Variants in PPP2R1A observed in about 807,000 individuals in gnomAD.
PPP2R1A encodes the protein serine/threonine-protein phosphatase 2A 65 kDa regulatory subunit A alpha isoform.
Under a neutral mutation model 67.1 loss-of-function variants are expected in PPP2R1A, and 15 were observed. That is an observed-to-expected ratio of 0.22 (90% CI 0.15 to 0.34). The LOEUF (loss-of-function observed/expected upper bound fraction) is 0.34, where lower values mean the gene tolerates loss of function less well. PPP2R1A is among the 10% of genes least tolerant of loss of function. PPP2R1A has a pLI of 1.00. For missense variants in PPP2R1A, 369 were observed against 775.0 expected, an observed-to-expected ratio of 0.48 and a Z score of 6.22; for synonymous variants, 337 against 325.0, an observed-to-expected ratio of 1.04 and a Z score of -0.40.
At chr19:52,220,152 G>A (rs1978829405) in intron 10 of PPP2R1A, 37 bp from the exon 11 acceptor site, 1 of 1,603,992 alleles carries the variant, frequency 6.2e-7, no homozygotes. Flanking sequence ...TTGCTCTCCT[G>A]GAACGCTTAC....
At chr19:52,217,817 G>A (rs1008724761) in intron 9 of PPP2R1A, among the ~76,000 whole-genome samples, 1 of 152,074 alleles carries the variant, frequency 6.6e-6, no homozygotes, top group Non-Finnish European at 1.5e-5. Flanking sequence ...GATGAGAGGC[G>A]GTGCTGGGTG....
intron 2 of PPP2R1A, among the ~76,000 whole-genome samples, chr19:52,204,383 C>G (rs2089581595): frequency 6.6e-6 from 1 of 152,094 alleles, no homozygotes; most frequent in Non-Finnish European, 1.5e-5. Flanking sequence ...AAGGTGGAAG[C>G]AGGAAAACCA....
chr19:52,195,330 A>G (rs1478209884), intron 1 of PPP2R1A, among the ~76,000 whole-genome samples: 1 of 152,144 alleles, frequency 6.6e-6, no homozygotes, highest in Non-Finnish European at 1.5e-5. Context: ...GAAAATCCCA[A>G]TTCCTATTCT....
intron 11 of PPP2R1A, 110 bp from the exon 12 acceptor site, chr19:52,220,869 C>A: frequency 7.6e-7 from 1 of 1,313,270 alleles, no homozygotes; most frequent in Non-Finnish European, 1.1e-6. Context: ...TCACATGCAG[C>A]CTGGCACCTA....
intron 1 of PPP2R1A, chr19:52,201,631 G>C: frequency 2.8e-6 from 1 of 362,514 alleles, no homozygotes; most frequent in East Asian, 5.6e-5. Flanking sequence ...AGGAGAAAGT[G>C]ATGAAGAGAG....
At chr19:52,196,684 TCTGA>T (rs1304317457) in intron 1 of PPP2R1A, among the ~76,000 whole-genome samples, 1 of 152,320 alleles carries the variant, frequency 6.6e-6, no homozygotes, top group East Asian at 1.9e-4. Flanking sequence ...GAAGTTTCTA[TCTGA>T]CTGATGACCA....
At position 52,216,188 on chromosome 19, in the gene PPP2R1A, A is replaced by T. The variant is rs1978562200; in HGVS notation, c.993+114A>T. The T allele has an allele frequency of 2.5e-6, 3 of 1,191,668 alleles. No homozygotes were observed. The highest frequency in any genetic ancestry group is 3.6e-6 in the Non-Finnish European group (3 of 829,614). 73.8% of individuals were successfully genotyped at this position (1,191,668 alleles called of 1,614,324 possible). A position where few individuals can be genotyped will look rare whatever the true frequency, so the allele number is the denominator to read the frequency against. On this transcript the variant is annotated intron_variant, in intron 8 of 14. Coordinates refer to ENST00000322088, the MANE Select transcript of PPP2R1A (RefSeq NM_014225.6). The surrounding 1 kb of genome is among the most constrained non-coding windows in gnomAD (Gnocchi z 4.3). Reference sequence around the variant, plus strand: ...CAAACTAGGTTCCCAGCCCTCTGGGACCAGGCAGCTCTTGGGTTTCAAGCA... The same window carrying T: ...CAAACTAGGTTCCCAGCCCTCTGGGTCCAGGCAGCTCTTGGGTTTCAAGCA...
At chr19:52,209,113 A>G (rs1215244161) in intron 3 of PPP2R1A, among the ~76,000 whole-genome samples, 2 of 152,202 alleles carry the variant, frequency 1.3e-5, no homozygotes, top group African/African-American at 4.8e-5. Context: ...GTCAGGGATC[A>G]TCCTTTGAGA....
intron 13 of PPP2R1A, among the ~76,000 whole-genome samples, chr19:52,224,539 A>G (rs1979136052): frequency 6.6e-6 from 1 of 152,192 alleles, no homozygotes; most frequent in African/African-American, 2.4e-5. Context: ...TATGTGTGAA[A>G]TCAATGAAAG....
At chr19:52,210,484 C>CTTTTTTTTT (rs112983236) in intron 3 of PPP2R1A, among the ~76,000 whole-genome samples, 4 of 126,970 alleles carry the variant, frequency 3.2e-5, no homozygotes, top group Non-Finnish European at 4.9e-5. Context: ...GTTTTCTCTT[C>CTTTTTTTTT]TTTTTTTTTT....
chr19:52,220,166 G>C, intron 10 of PPP2R1A, 23 bp from the exon 11 acceptor site: 1 of 1,612,502 alleles, frequency 6.2e-7, no homozygotes, highest in Non-Finnish European at 8.5e-7. Context: ...CGCTTACCTT[G>C]GAACCCTTGG....
intron 13 of PPP2R1A, among the ~76,000 whole-genome samples, chr19:52,222,922 C>G (rs917907313): frequency 1.3e-5 from 2 of 152,150 alleles, no homozygotes; most frequent in African/African-American, 2.4e-5. Context: ...TGGGACAGTT[C>G]CCTGAACTCA....
chr19:52,192,455 A>G (rs558333800), intron 1 of PPP2R1A, among the ~76,000 whole-genome samples: 28 of 152,046 alleles, frequency 1.8e-4, no homozygotes, highest in African/African-American at 5.8e-4. Context: ...CTACAGACGC[A>G]GGCCACCACG....
At chr19:52,200,501 C>T (rs1258867202) in intron 1 of PPP2R1A, 1 of 152,226 alleles carries the variant, frequency 6.6e-6, no homozygotes, top group East Asian at 1.9e-4. Context: ...GAGGTCCCAA[C>T]ATGTAAATGC....
chr19:52,222,055 C>T (rs1226308479), intron 12 of PPP2R1A, 44 bp from the exon 13 acceptor site: 2 of 1,543,586 alleles, frequency 1.3e-6, no homozygotes, highest in Non-Finnish European at 1.8e-6. Flanking sequence ...TGAGAGTTAG[C>T]CAGGAGCTTT....
Position 52,219,603 on chromosome 19 carries a change from A to G in PPP2R1A, c.1129-88A>G. ...GAGTAGTCCCTCGGGAGATGTCCATAAAAGTTGATGCAGCTGAGCTCTTTC... is the reference window on the plus strand; with the variant it reads ...GAGTAGTCCCTCGGGAGATGTCCATGAAAGTTGATGCAGCTGAGCTCTTTC... On this transcript the variant is annotated intron_variant, in intron 9 of 14. Transcript: ENST00000322088. The surrounding 1 kb of genome is among the most constrained non-coding windows in gnomAD (Gnocchi z 4.0). 1 of 1,382,238 alleles carries G rather than the reference A, an allele frequency of 7.2e-7. No homozygotes were observed. Among genetic ancestry groups the G allele is most frequent in the Non-Finnish European group, 9.9e-7 (1 of 1,012,108 alleles). The allele number at this position is 1,382,238 out of a possible 1,614,324, so 85.6% of individuals were successfully genotyped here.
At position 52,213,026 on chromosome 19, in the gene PPP2R1A, G is replaced by C. The variant is rs1435362646; in HGVS notation, c.723G>C (p.Glu241Asp). 1.2e-6 allele frequency: 2 copies of C among 1,612,252 alleles called. No homozygotes were observed. The highest frequency in any genetic ancestry group is 1.7e-6 in the Non-Finnish European group (2 of 1,179,610). ...AGCTTCTGCCCCAGGAGGATCTGGAGGCCCTGGTGATGCCCACTCTGCGCC... is the reference window on the plus strand; with the variant it reads ...AGCTTCTGCCCCAGGAGGATCTGGACGCCCTGGTGATGCCCACTCTGCGCC... Reference protein sequence around the residue: ...IAQLLPQEDLEALVMPTLRQA... With the variant: ...IAQLLPQEDLDALVMPTLRQA... Residue 241 changes from glutamate (E) to aspartate (D), a missense_variant, in exon 6 of 15, where the codon GAG becomes GAC. This residue lies in a region of PPP2R1A where 276 missense variants were observed against 508.4 expected (regional missense o/e 0.54). Coordinates refer to ENST00000322088, the MANE Select transcript of PPP2R1A (RefSeq NM_014225.6). The surrounding 1 kb of genome is among the most constrained non-coding windows in gnomAD (Gnocchi z 4.2).
intron 3 of PPP2R1A, among the ~76,000 whole-genome samples, chr19:52,206,296 C>T (rs192087968): frequency 9.2e-5 from 14 of 152,236 alleles, no homozygotes; most frequent in Admixed American, 7.8e-4. Flanking sequence ...AGTGCCAGGC[C>T]TTACCTGGGA....
At chr19:52,201,902 G>A (rs763306360) in intron 1 of PPP2R1A, 42 bp from the exon 2 acceptor site, 12 of 1,587,100 alleles carry the variant, frequency 7.6e-6, no homozygotes, top group Non-Finnish European at 1.0e-5. Flanking sequence ...GCGTGTCTGG[G>A]ATTTCTAACA....
Sources: gnomAD v4.1 joint callset for allele counts (sites outside exome capture counted in the v4.1 genomes callset) on GRCh38, gnomAD v4.1.1 for gene constraint, gnomAD v4.1.1 regional missense constraint, Gnocchi (gnomAD v3.1) non-coding constraint, MANE v1.5 for transcripts, NCBI Gene and HGNC (gene_info 2026-07-23, HGNC 2026-07-21) for gene names.